The following DEUP1 variants were observed in gnomAD, a reference collection of about 807,000 sequenced individuals.
DEUP1 encodes the protein coiled-coil domain containing 67.
In DEUP1, 82 loss-of-function variants were observed where a neutral mutation model predicts 87.4. The observed-to-expected ratio is 0.94, with a 90% CI of 0.78 to 1.13. The LOEUF (loss-of-function observed/expected upper bound fraction) is 1.13. Ranked by LOEUF, DEUP1 falls within the 50% of genes most tolerant of loss-of-function variation. DEUP1 has a pLI of 0.00. For missense variants in DEUP1, 663 were observed against 681.5 expected (o/e 0.97, Z 0.30); for synonymous variants, 214 against 222.7 (o/e 0.96, Z 0.35).
At chr11:93,417,786 C>T (rs1181824766) in intron 13 of DEUP1, among the ~76,000 whole-genome samples, 1 of 151,838 alleles carries the variant, frequency 6.6e-6, no homozygotes, top group Non-Finnish European at 1.5e-5. Flanking sequence ...AACTATACTA[C>T]AAGGCTACAG....
rs1430936279 is a variant in DEUP1, at chr11:93,438,326, A to G, written c.*607A>G. 1 of 152,106 alleles carries G rather than the reference A, an allele frequency of 6.6e-6. No homozygotes were observed. Among genetic ancestry groups the G allele is most frequent in the Non-Finnish European group, 1.5e-5 (1 of 68,026 alleles). The allele number at this position is 152,106 out of a possible 1,614,324, so 9.4% of individuals were successfully genotyped here. ...TGTGCAATTTACAAACCTAAAATATATGTGCCAAAAATTAACGCTTTTTTG... is the reference window on the plus strand; with the variant it reads ...TGTGCAATTTACAAACCTAAAATATGTGTGCCAAAAATTAACGCTTTTTTG... On this transcript the variant is annotated 3_prime_UTR_variant, in exon 14 of 14. Transcript: ENST00000298050.
intron 13 of DEUP1, among the ~76,000 whole-genome samples, chr11:93,419,182 TAATAAAA>T: frequency 8.7e-6 from 1 of 115,090 alleles, no homozygotes; most frequent in South Asian, 3.1e-4. Context: ...TAAAGTATAA[TAATAAAA>T]AAAAAAAAGA....
rs1168925029 is a variant in DEUP1 at position 93,385,408 on chromosome 11, C to A, written c.800C>A (p.Ala267Glu). 1.2e-6 allele frequency: 2 copies of A among 1,612,754 alleles called. No individual in the cohort carries two copies. The highest frequency in any genetic ancestry group is 1.7e-6 in the Non-Finnish European group (2 of 1,179,606). The change falls in exon 8 of 14, where the codon GCA becomes GAA. Residue 267 changes from alanine to glutamate, a missense_variant. Physicochemically the swap from Ala to Glu is moderately radical, Grantham distance 107. Coordinates refer to ENST00000298050, the MANE Select transcript of DEUP1 (RefSeq NM_181645.4). ...GATGTTTTTATTCAGGCCATGGAAG[C>A]AGGTCTCTCAGAGGTAAAAAGTGAG... is the stretch of plus-strand genomic sequence containing the variant. ...MYQRQCQAMEAGLSEVKSELQ... is the reference protein window; with the variant it reads ...MYQRQCQAMEEGLSEVKSELQ...
chr11:93,331,537 C>T (rs1269590344), intron 1 of DEUP1, among the ~76,000 whole-genome samples: 1 of 151,964 alleles, frequency 6.6e-6, no homozygotes, highest in East Asian at 1.9e-4. Flanking sequence ...CAGATAGGGC[C>T]AAAGAAAGAA....
intron 5 of DEUP1, among the ~76,000 whole-genome samples, chr11:93,368,629 T>C (rs1945542812): frequency 6.6e-6 from 1 of 152,128 alleles, no homozygotes; most frequent in Non-Finnish European, 1.5e-5. Context: ...ACTAGGGAGA[T>C]GGTGCTAAAC....
At chr11:93,388,960 A>G (rs1458926282) in intron 8 of DEUP1, 60 bp from the exon 9 acceptor site, 5 of 940,912 alleles carry the variant, frequency 5.3e-6, no homozygotes, top group Non-Finnish European at 8.1e-6. Context: ...TAACAATATA[A>G]TCGTTACAAT....
Position 93,385,895 on chromosome 11 carries a change from A to C in DEUP1, c.935+352A>C, listed in dbSNP as rs540013202. The stretch of plus-strand genomic sequence containing the variant: ...TAGTGAGACCCTGACTCTTCAAAAA[A>C]ATTTTTTATTACCTGGGCATGGGGG... On this transcript the variant is annotated intron_variant, in intron 8 of 13. Coordinates refer to ENST00000298050, the MANE Select transcript of DEUP1 (RefSeq NM_181645.4). Among the ~76,000 whole-genome samples the C allele has an allele frequency of 3.8e-4, 58 of 151,970 alleles. 2 individuals carry two copies. Among genetic ancestry groups the C allele is most frequent in the Middle Eastern group, 3.4e-3 (1 of 294 alleles).
chr11:93,331,392 A>G (rs2134849546), intron 1 of DEUP1, among the ~76,000 whole-genome samples: 1 of 151,554 alleles, frequency 6.6e-6, no homozygotes, highest in Non-Finnish European at 1.5e-5. Context: ...ACTTTAGGCA[A>G]ATGCTAACAT....
chr11:93,356,706 G>A (rs964881582), intron 3 of DEUP1, among the ~76,000 whole-genome samples: 1 of 152,148 alleles, frequency 6.6e-6, no homozygotes, highest in Non-Finnish European at 1.5e-5. Context: ...TAAATGTGAT[G>A]ATGATAAGGA....
chr11:93,343,567 T>C (rs925932425), intron 2 of DEUP1, among the ~76,000 whole-genome samples: 2 of 152,234 alleles, frequency 1.3e-5, no homozygotes, highest in African/African-American at 2.4e-5. Context: ...TATTTCACTG[T>C]TGTCTTCTCT....
At chr11:93,389,180 A>C (rs1946688866) in intron 9 of DEUP1, 55 bp downstream of exon 9, 1 of 954,838 alleles carries the variant, frequency 1.0e-6, no homozygotes, top group African/African-American at 1.8e-5. Flanking sequence ...CTTTACATAC[A>C]AAGGGAGTTA....
chr11:93,368,449 A>G (rs12286123), intron 5 of DEUP1, among the ~76,000 whole-genome samples: 36,094 of 152,150 alleles, frequency 0.24, 4,710 homozygotes, highest in South Asian at 0.38. Flanking sequence ...CACAGGTTGT[A>G]CAGGAGGCAT....
intron 7 of DEUP1, among the ~76,000 whole-genome samples, chr11:93,384,382 T>A (rs1946439153): frequency 6.6e-6 from 1 of 152,234 alleles, no homozygotes; most frequent in Non-Finnish European, 1.5e-5. Context: ...CTGCATTCCA[T>A]CTTCCTTCCT....
rs543098178 is a variant in DEUP1, at chr11:93,396,453, T to C, written c.1326+128T>C. On this transcript the variant is annotated intron_variant, in intron 11 of 13. Transcript: ENST00000298050. The stretch of plus-strand genomic sequence containing the variant: ...GAAGGAGTTGGGTGGTAAATTATCT[T>C]GTGCTTCAGTTGAGGTTACTTTTAT... 168 of 591,020 alleles carry C rather than the reference T, an allele frequency of 2.8e-4. 1 individual carries two copies. In the South Asian group the frequency reaches 3.1e-3, roughly 11 times the overall value. 36.6% of individuals were successfully genotyped at this position (591,020 alleles called of 1,614,324 possible).
intron 9 of DEUP1, among the ~76,000 whole-genome samples, chr11:93,392,643 G>C (rs934909633): frequency 2.6e-5 from 4 of 151,088 alleles, no homozygotes; most frequent in African/African-American, 9.7e-5. Flanking sequence ...AATCTTTACA[G>C]ACATTGTAAT....
At position 93,408,132 on chromosome 11, in the gene DEUP1, AATGAAAGG is replaced by A. The variant is rs1259898815; in HGVS notation, c.1327-98_1327-91del. 5.8e-6 allele frequency: 5 copies of A among 864,102 alleles called. No individual in the cohort carries two copies. In the African/African-American group the frequency reaches 7.0e-5, roughly 12 times the overall value. The allele number at this position is 864,102 out of a possible 1,614,324, so 53.5% of individuals were successfully genotyped here. On this transcript the variant is annotated intron_variant, in intron 11 of 13. Transcript: ENST00000298050. Reference sequence around the variant, plus strand: ...GAGTACAGCCACATCACTTGGCTCAAATGAAAGGGCCTTTCCAGCACAAGTCTCCAAAC... The same window carrying A: ...GAGTACAGCCACATCACTTGGCTCAAGCCTTTCCAGCACAAGTCTCCAAAC...
chr11:93,344,128 C>G (rs1369081165), intron 2 of DEUP1, among the ~76,000 whole-genome samples: 3 of 152,044 alleles, frequency 2.0e-5, no homozygotes, highest in Admixed American at 2.0e-4. Flanking sequence ...ATACATCTTT[C>G]ACTTTAGTGT....
chr11:93,415,978 C>A (rs1272685374), intron 13 of DEUP1, among the ~76,000 whole-genome samples: 1 of 152,034 alleles, frequency 6.6e-6, no homozygotes, highest in Non-Finnish European at 1.5e-5. Flanking sequence ...TCTTTTGGTG[C>A]ATGTGTATAT....
At chr11:93,418,578 TTGG>T in intron 13 of DEUP1, among the ~76,000 whole-genome samples, 1 of 151,606 alleles carries the variant, frequency 6.6e-6, no homozygotes, top group Non-Finnish European at 1.5e-5. Context: ...TTTTACACTG[TTGG>T]TGGGACTGTA....
Sources: allele counts gnomAD v4.1 joint callset (sites outside exome capture counted in the v4.1 genomes callset), GRCh38; gene constraint gnomAD v4.1.1; transcripts MANE v1.5; gene names NCBI Gene and HGNC (gene_info 2026-07-23, HGNC 2026-07-21).